The following ERC2 variants were observed in gnomAD, a reference collection of about 807,000 sequenced individuals.
The protein encoded by ERC2 is ERC protein 2.
ERC2 carries 42 observed loss-of-function variants against 114.8 expected under a neutral mutation model. The ratio of observed to expected loss-of-function variants is 0.37; its 90% CI spans 0.29 to 0.47. ERC2 has a LOEUF of 0.47. Ranked by LOEUF, ERC2 falls within the 20% of genes least tolerant of loss-of-function variation. The pLI, the probability that ERC2 is intolerant of heterozygous loss-of-function variation, is 0.99. For missense variants in ERC2, 939 were observed against 1,150.7 expected (o/e 0.82, Z 2.66); for synonymous variants, 454 against 425.5 (o/e 1.07, Z -0.82).
chr3:55,706,376 GT>G (rs35100795), intron 15 of ERC2, among the ~76,000 whole-genome samples: 80,338 of 150,856 alleles, frequency 0.53, 22,416 homozygotes, highest in South Asian at 0.73. Flanking sequence ...GTTTGTTTCT[GT>G]TTTTTTTTGT....
chr3:55,764,399 AC>A (rs1477889697), intron 14 of ERC2, among the ~76,000 whole-genome samples: 2 of 152,142 alleles, frequency 1.3e-5, no homozygotes, highest in Non-Finnish European at 2.9e-5. Flanking sequence ...GCATTTACTT[AC>A]TAACGGGATC....
intron 7 of ERC2, among the ~76,000 whole-genome samples, chr3:56,019,700 A>G (rs556579846): frequency 1.2e-3 from 186 of 152,298 alleles, no homozygotes; most frequent in African/African-American, 4.2e-3. Context: ...CACTATCTGC[A>G]GCCTGAAATA....
At chr3:56,239,294 G>C (rs2051166130) in intron 3 of ERC2, among the ~76,000 whole-genome samples, 1 of 151,706 alleles carries the variant, frequency 6.6e-6, no homozygotes, top group Admixed American at 6.6e-5. Flanking sequence ...AGGCGGGCAG[G>C]TTGCCTGAGC....
intron 14 of ERC2, among the ~76,000 whole-genome samples, chr3:55,820,401 AATT>A (rs1330984626): frequency 6.6e-6 from 1 of 152,216 alleles, no homozygotes; most frequent in Non-Finnish European, 1.5e-5. Flanking sequence ...AGTGAAAATA[AATT>A]ATTATTAACT....
chr3:56,233,074 T>C (rs1272820049), intron 3 of ERC2, among the ~76,000 whole-genome samples: 3 of 152,218 alleles, frequency 2.0e-5, no homozygotes, highest in Non-Finnish European at 2.9e-5. Flanking sequence ...TCTGTCTCCA[T>C]GGAACACAGC....
chr3:55,923,324 T>TA (rs1458249967), intron 13 of ERC2, among the ~76,000 whole-genome samples: 2 of 152,106 alleles, frequency 1.3e-5, no homozygotes, highest in Non-Finnish European at 2.9e-5. Context: ...TTGAGGTACT[T>TA]AGAGTAATTA....
At chr3:55,626,698 C>T (rs919529007) in intron 17 of ERC2, among the ~76,000 whole-genome samples, 1 of 152,200 alleles carries the variant, frequency 6.6e-6, no homozygotes, top group African/African-American at 2.4e-5. Context: ...CTACTGCTCA[C>T]CAGAGATATA....
At chr3:55,683,901 G>A in intron 16 of ERC2, 42 bp from the exon 17 acceptor site, 1 of 1,600,850 alleles carries the variant, frequency 6.2e-7, no homozygotes, top group Non-Finnish European at 8.5e-7. Flanking sequence ...GAGAGGAGGG[G>A]AGCACCAGAA....
At chr3:56,250,536 C>T (rs555546717) in intron 3 of ERC2, among the ~76,000 whole-genome samples, 41 of 152,276 alleles carry the variant, frequency 2.7e-4, no homozygotes, top group African/African-American at 9.1e-4. Flanking sequence ...TTCAGCAGTA[C>T]GTACACCAAA....
At chr3:55,819,967 T>C (rs531418462) in intron 14 of ERC2, among the ~76,000 whole-genome samples, 1 of 152,340 alleles carries the variant, frequency 6.6e-6, no homozygotes, top group Admixed American at 6.5e-5. Context: ...ATTAGCCTCT[T>C]GCAGGTGTAA....
chr3:56,186,143 A>AAG (rs1298551286), intron 3 of ERC2, among the ~76,000 whole-genome samples: 1 of 137,352 alleles, frequency 7.3e-6, no homozygotes, highest in African/African-American at 2.7e-5. Context: ...AAAAAAAAAA[A>AAG]AGAGCACAGC....
chr3:56,439,589 G>T (rs189779796), intron 1 of ERC2, among the ~76,000 whole-genome samples: 38 of 152,190 alleles, frequency 2.5e-4, no homozygotes, highest in African/African-American at 8.9e-4. Context: ...AGTCTATTCC[G>T]TGTAGATTTT....
chr3:56,243,511 A>T (rs978110112), intron 3 of ERC2, among the ~76,000 whole-genome samples: 2 of 152,220 alleles, frequency 1.3e-5, no homozygotes, highest in Admixed American at 1.3e-4. Flanking sequence ...TATACAGGAC[A>T]GGGACAAGGA....
At chr3:56,023,671 G>T (rs962749277) in intron 7 of ERC2, among the ~76,000 whole-genome samples, 14 of 152,004 alleles carry the variant, frequency 9.2e-5, no homozygotes, top group African/African-American at 3.4e-4. Flanking sequence ...TGAGCACAAT[G>T]AAGACAAGAG....
At chr3:55,797,759 A>G (rs2070635004) in intron 14 of ERC2, among the ~76,000 whole-genome samples, 1 of 152,222 alleles carries the variant, frequency 6.6e-6, no homozygotes, top group African/African-American at 2.4e-5. Flanking sequence ...TGTATTGCAT[A>G]TTGAAATTTT....
chr3:55,539,411 CTTTCTT>C (rs2054225422), intron 17 of ERC2, among the ~76,000 whole-genome samples: 3 of 49,070 alleles, frequency 6.1e-5, no homozygotes, highest in Non-Finnish European at 1.3e-4. Flanking sequence ...CTCTTTTTTT[CTTTCTT>C]TTTTTTTTTT....
chr3:56,386,843 T>C (rs1474250708), intron 2 of ERC2, among the ~76,000 whole-genome samples: 1 of 152,174 alleles, frequency 6.6e-6, no homozygotes, highest in Non-Finnish European at 1.5e-5. Context: ...TAACACCATA[T>C]GTAAGACTTT....
chr3:55,518,523 G>A (rs965406709), intron 17 of ERC2, among the ~76,000 whole-genome samples: 6 of 152,204 alleles, frequency 3.9e-5, no homozygotes, highest in African/African-American at 1.4e-4. Flanking sequence ...GTGAAATCTA[G>A]TTTAAATTTA....
At chr3:55,579,648 G>A (rs540792248) in intron 17 of ERC2, among the ~76,000 whole-genome samples, 1 of 152,364 alleles carries the variant, frequency 6.6e-6, no homozygotes, top group Admixed American at 6.5e-5. Flanking sequence ...GCATGCTGTG[G>A]GAAAGCCCTC....
Sources: gnomAD v4.1 joint callset for allele counts (sites outside exome capture counted in the v4.1 genomes callset) on GRCh38, gnomAD v4.1.1 for gene constraint, MANE v1.5 for transcripts, NCBI Gene and HGNC (gene_info 2026-07-23, HGNC 2026-07-21) for gene names.